The following CEMIP variants were observed in gnomAD, a reference collection of about 807,000 sequenced individuals.
The protein encoded by CEMIP is cell migration-inducing and hyaluronan-binding protein.
Under a neutral mutation model 156.9 loss-of-function variants are expected in CEMIP, and 105 were observed. That is an observed-to-expected ratio of 0.67 (90% confidence interval 0.57 to 0.79). The LOEUF is 0.79. CEMIP is among the 30% of genes least tolerant of loss of function. CEMIP has a pLI of 0.00. For synonymous variants in CEMIP, 676 were observed against 668.4 expected (o/e 1.01, Z -0.17); for missense variants, 1,457 against 1,769.4 (o/e 0.82, Z 3.17).
chr15:80,936,734 C>T lies in CEMIP; in HGVS notation c.3070C>T (p.Pro1024Ser), dbSNP rs768917859. 18 of 1,614,170 alleles carry T rather than the reference C, an allele frequency of 1.1e-5. No individual in the cohort carries two copies. Among genetic ancestry groups the T allele is most frequent in the Non-Finnish European group, 1.4e-5 (17 of 1,180,028 alleles). ...LRMKIIKNDF[P>S]SHPLYLEGAL... ...AATGAAGATCATCAAGAATGACTTC[C>T]CCAGCCACCCTCTTTACCTGGAGGG... The change falls in exon 24 of 30, where the codon CCC (proline) becomes TCC (serine). Residue 1024 changes from proline (P) to serine (S), a missense_variant. Physicochemically the swap from Pro to Ser is moderately conservative, Grantham distance 74. Around this residue, in one of 5 missense-constraint regions of CEMIP, gnomAD observed 798 missense variants for 980.1 expected, o/e 0.81. Transcript: ENST00000394685.
Position 80,844,775 on chromosome 15 carries a change from T to A in CEMIP, c.-175-28763T>A, listed in dbSNP as rs550735521. ...AGAGGTGCTGAAAACATCCTGAGGC[T>A]GTGTAGAAACACAGCGAAGATTGGG... On this transcript the variant is annotated intron_variant, in intron 1 of 29. Coordinates refer to ENST00000394685, the MANE Select transcript of CEMIP (RefSeq NM_001293298.2). Among the ~76,000 whole-genome samples the A allele has an allele frequency of 7.9e-5, 12 of 152,286 alleles. No individual in the cohort carries two copies. In the South Asian group the frequency reaches 2.5e-3, roughly 32 times the overall value.
chr15:80,839,024 C>T (rs926745060), intron 1 of CEMIP, among the ~76,000 whole-genome samples: 12 of 152,092 alleles, frequency 7.9e-5, no homozygotes, highest in South Asian at 6.2e-4. Context: ...CACCCGCAGG[C>T]GTCTTGGTTG....
At chr15:80,780,766 C>T (rs1895770513) in intron 1 of CEMIP, among the ~76,000 whole-genome samples, 1 of 152,206 alleles carries the variant, frequency 6.6e-6, no homozygotes, top group Non-Finnish European at 1.5e-5. Context: ...CTCTGCGTGC[C>T]CAGGCGCGAC....
chr15:80,852,804 TA>T (rs1304209245), intron 1 of CEMIP, among the ~76,000 whole-genome samples: 1 of 152,176 alleles, frequency 6.6e-6, no homozygotes, highest in Non-Finnish European at 1.5e-5. Context: ...TGTGCAGCGT[TA>T]AGTGTCTGGA....
At chr15:80,943,226 A>T in intron 28 of CEMIP, 124 bp downstream of exon 28, 1 of 1,028,460 alleles carries the variant, frequency 9.7e-7, no homozygotes, top group Non-Finnish European at 1.5e-6. Flanking sequence ...CAGTCTCCAC[A>T]GCCTGCCCAC....
intron 1 of CEMIP, among the ~76,000 whole-genome samples, chr15:80,826,697 C>G (rs905208965): frequency 6.6e-6 from 1 of 152,162 alleles, no homozygotes; most frequent in African/African-American, 2.4e-5. Context: ...GCAGAGGCCA[C>G]AGTCATAGGC....
chr15:80,861,148 T>G (rs772517612), intron 1 of CEMIP, among the ~76,000 whole-genome samples: 1 of 152,160 alleles, frequency 6.6e-6, no homozygotes, highest in Non-Finnish European at 1.5e-5. Flanking sequence ...CTGCCGTGTC[T>G]CAATGCCTAG....
At chr15:80,919,711 A>T (rs1026666942) in intron 14 of CEMIP, among the ~76,000 whole-genome samples, 143 of 152,160 alleles carry the variant, frequency 9.4e-4, no homozygotes, top group African/African-American at 3.3e-3. Flanking sequence ...GCTACTCGGG[A>T]GGCTGAGGCA....
At chr15:80,892,158 C>T (rs1450322940) in intron 10 of CEMIP, among the ~76,000 whole-genome samples, 2 of 152,164 alleles carry the variant, frequency 1.3e-5, no homozygotes, top group Non-Finnish European at 1.5e-5. Flanking sequence ...TGCCCAACTC[C>T]GTGTCATACA....
intron 9 of CEMIP, 119 bp from the exon 10 acceptor site, chr15:80,889,352 A>C: frequency 7.1e-7 from 1 of 1,409,536 alleles, no homozygotes; most frequent in Non-Finnish European, 1.0e-6. Flanking sequence ...AGCCTGGTGC[A>C]ACCATGGACA....
intron 1 of CEMIP, among the ~76,000 whole-genome samples, chr15:80,828,653 A>C (rs1445031523): frequency 6.6e-6 from 1 of 152,184 alleles, no homozygotes; most frequent in Non-Finnish European, 1.5e-5. Context: ...CTATTTATGA[A>C]TTTCACACAT....
chr15:80,814,444 G>A lies in CEMIP; in HGVS notation c.-176+34830G>A, dbSNP rs536610392. Among the ~76,000 whole-genome samples, 6 of 152,236 alleles carry A rather than the reference G, an allele frequency of 3.9e-5. No individual in the cohort carries two copies. The South Asian group carries it at 1.2e-3, about 32-fold the overall frequency. ...CAGTTCTCTCTCTGCTCCAGCTAGG[G>A]CAGCACATTGGTCATTGCTTTCTTT... On this transcript the variant is annotated intron_variant, in intron 1 of 29. Transcript: ENST00000394685.
intron 18 of CEMIP, 44 bp from the exon 19 acceptor site, chr15:80,925,579 GC>G: frequency 6.2e-7 from 1 of 1,605,476 alleles, no homozygotes; most frequent in Non-Finnish European, 8.5e-7. Context: ...GCAGAGGCGT[GC>G]CCCCAACACC....
chr15:80,820,886 G>C (rs1419082544), intron 1 of CEMIP, among the ~76,000 whole-genome samples: 1 of 152,204 alleles, frequency 6.6e-6, no homozygotes, highest in Non-Finnish European at 1.5e-5. Context: ...AATATGTTTT[G>C]AATATTACTG....
intron 25 of CEMIP, among the ~76,000 whole-genome samples, chr15:80,939,548 G>T (rs953302156): frequency 1.3e-5 from 2 of 152,244 alleles, no homozygotes; most frequent in African/African-American, 4.8e-5. Context: ...TTCAAAAGAT[G>T]TGAATTTTTC....
At chr15:80,837,298 G>A (rs1355534081) in intron 1 of CEMIP, among the ~76,000 whole-genome samples, 1 of 152,202 alleles carries the variant, frequency 6.6e-6, no homozygotes, top group African/African-American at 2.4e-5. Context: ...ATATGCAAAT[G>A]GAATGAACGA....
Position 80,950,385 on chromosome 15 carries a change from C to G in CEMIP, c.*1461C>G, listed in dbSNP as rs147664162. 6.6e-6 allele frequency: 1 copy of G among 152,414 alleles called. No individual in the cohort carries two copies. The highest frequency in any genetic ancestry group is 2.4e-5 in the African/African-American group (1 of 41,584). 9.4% of individuals were successfully genotyped at this position (152,414 alleles called of 1,614,324 possible). On this transcript the variant is annotated 3_prime_UTR_variant, in exon 30 of 30. Coordinates refer to ENST00000394685, the MANE Select transcript of CEMIP (RefSeq NM_001293298.2). ...CTGAGGTAGCTTCTGGAAATGGGGA[C>G]AAGTCCCCTCGAAGGAAAGGAAATG... is the stretch of plus-strand genomic sequence containing the variant.
chr15:80,937,646 C>A (rs1250702693), intron 24 of CEMIP, 148 bp from the exon 25 acceptor site: 5 of 723,580 alleles, frequency 6.9e-6, no homozygotes, highest in Middle Eastern at 5.7e-4. Flanking sequence ...TCAGTCACCA[C>A]GACAGCAAAT....
intron 17 of CEMIP, among the ~76,000 whole-genome samples, chr15:80,923,347 G>A (rs1269829205): frequency 2.0e-5 from 3 of 152,166 alleles, no homozygotes; most frequent in Admixed American, 6.5e-5. Flanking sequence ...AGAGGGAGGT[G>A]CAGGGGGCAT....
Sources: allele counts gnomAD v4.1 joint callset (sites outside exome capture counted in the v4.1 genomes callset), GRCh38; gene constraint gnomAD v4.1.1; regional missense constraint gnomAD v4.1.1; transcripts MANE v1.5; gene names NCBI Gene and HGNC (gene_info 2026-07-23, HGNC 2026-07-21).